HOMER2: variants seen among roughly 807,000 people sequenced by gnomAD.
HOMER2 encodes homer protein homolog 2.
Under a neutral mutation model 47.0 loss-of-function variants are expected in HOMER2, and 27 were observed. The ratio of observed to expected loss-of-function variants is 0.57; its 90% confidence interval spans 0.42 to 0.79. HOMER2 has a LOEUF of 0.79. Ranked by LOEUF, HOMER2 falls within the 30% of genes least tolerant of loss-of-function variation. The pLI is 0.00. For synonymous variants in HOMER2, 161 were observed against 163.8 expected, an observed-to-expected ratio of 0.98 and a Z score of 0.13; for missense variants, 443 against 435.0, an observed-to-expected ratio of 1.02 and a Z score of -0.16.
intron 1 of HOMER2, among the ~76,000 whole-genome samples, chr15:82,961,845 C>G (rs1458911176): frequency 6.6e-6 from 1 of 152,090 alleles, no homozygotes; most frequent in Non-Finnish European, 1.5e-5. Context: ...CTCACTGCAA[C>G]CTCTGCCTCC....
At chr15:82,893,921 A>T (rs2052813740) in intron 1 of HOMER2, among the ~76,000 whole-genome samples, 1 of 152,192 alleles carries the variant, frequency 6.6e-6, no homozygotes, top group Non-Finnish European at 1.5e-5. Context: ...ATGAGCCATT[A>T]TAGGGCATGA....
At position 82,849,464 on chromosome 15, in the gene HOMER2, A is replaced by T; in HGVS notation, c.*251T>A. On this transcript the variant is annotated 3_prime_UTR_variant, in exon 9 of 9. Coordinates refer to ENST00000450735, the MANE Select transcript of HOMER2 (RefSeq NM_004839.4). The stretch of plus-strand genomic sequence containing the variant: ...TAAACATCCCTGCCCTGACTGCATA[A>T]ATGTTGAAGGTAGACCTAGTTCTGG... 1.9e-6 allele frequency: 1 copy of T among 525,110 alleles called. No individual in the cohort carries two copies. The highest frequency in any genetic ancestry group is 3.4e-6 in the Non-Finnish European group (1 of 295,874). 32.5% of individuals were successfully genotyped at this position (525,110 alleles called of 1,614,324 possible).
intron 1 of HOMER2, among the ~76,000 whole-genome samples, chr15:82,899,017 C>T (rs553305621): frequency 1.3e-5 from 2 of 152,338 alleles, no homozygotes; most frequent in South Asian, 4.1e-4. Flanking sequence ...CACCAACCGA[C>T]AGGTCTTCCT....
chr15:82,846,471 T>C (rs2051249037), downstream of HOMER2: 1 of 152,212 alleles, frequency 6.6e-6, no homozygotes. Context: ...TATGCTCTTA[T>C]CAGGATATAA....
chr15:82,862,939 T>C (rs2092356017), intron 4 of HOMER2, among the ~76,000 whole-genome samples: 1 of 152,228 alleles, frequency 6.6e-6, no homozygotes, highest in East Asian at 1.9e-4. Context: ...ATATTGGGCA[T>C]ACTCCCTCCT....
At chr15:82,889,450 C>A (rs545046781) in intron 2 of HOMER2, among the ~76,000 whole-genome samples, 1 of 152,298 alleles carries the variant, frequency 6.6e-6, no homozygotes, top group Admixed American at 6.5e-5. Flanking sequence ...TGGAACCAAG[C>A]CGACTGAACA....
chr15:82,984,424 T>A (rs1038039894), intron 1 of HOMER2, among the ~76,000 whole-genome samples: 2 of 152,238 alleles, frequency 1.3e-5, no homozygotes, highest in African/African-American at 4.8e-5. Flanking sequence ...TACTATCCTA[T>A]ATACTTTTGC....
intron 1 of HOMER2, among the ~76,000 whole-genome samples, chr15:82,937,688 C>CA (rs977991952): frequency 1.3e-5 from 2 of 152,102 alleles, no homozygotes; most frequent in African/African-American, 4.8e-5. Flanking sequence ...ACTGGCAACT[C>CA]AGAGAAGTGA....
At chr15:82,904,140 A>C (rs995166779) in intron 1 of HOMER2, among the ~76,000 whole-genome samples, 1 of 152,168 alleles carries the variant, frequency 6.6e-6, no homozygotes, top group Admixed American at 6.5e-5. Context: ...GGCTCAAAAC[A>C]AAAAAACAAA....
chr15:82,850,423 C>G (rs1332710218), intron 8 of HOMER2, among the ~76,000 whole-genome samples: 7 of 152,234 alleles, frequency 4.6e-5, no homozygotes, highest in Admixed American at 4.6e-4. Context: ...GTCTGTGCAC[C>G]CTCTGATGCT....
At chr15:82,938,457 T>C (rs1266135369) in intron 1 of HOMER2, among the ~76,000 whole-genome samples, 1 of 152,136 alleles carries the variant, frequency 6.6e-6, no homozygotes, top group East Asian at 1.9e-4. Context: ...TACCTGCACC[T>C]TGCCTGGTCT....
At chr15:82,903,169 C>G (rs535555902) in intron 1 of HOMER2, among the ~76,000 whole-genome samples, 82 of 152,290 alleles carry the variant, frequency 5.4e-4, no homozygotes, top group Non-Finnish European at 1.0e-3. Flanking sequence ...AGGCACTTCG[C>G]AATCATCCAG....
At chr15:82,943,406 C>T (rs763416829) in intron 1 of HOMER2, among the ~76,000 whole-genome samples, 3 of 152,184 alleles carry the variant, frequency 2.0e-5, no homozygotes, top group Admixed American at 6.5e-5. Flanking sequence ...TTAGAGAGCT[C>T]TTCCTCATAC....
chr15:82,903,979 A>C (rs2053211524), intron 1 of HOMER2, among the ~76,000 whole-genome samples: 1 of 152,174 alleles, frequency 6.6e-6, no homozygotes, highest in Admixed American at 6.5e-5. Flanking sequence ...TCTACTAAAA[A>C]TACAAAAATT....
intron 1 of HOMER2, among the ~76,000 whole-genome samples, chr15:82,927,429 C>A (rs910974045): frequency 6.6e-6 from 1 of 152,136 alleles, no homozygotes; most frequent in Non-Finnish European, 1.5e-5. Context: ...TAATTACTCA[C>A]CTCTTACCTA....
chr15:82,891,705 C>A (rs79233060), intron 2 of HOMER2, among the ~76,000 whole-genome samples: 1,648 of 152,280 alleles, frequency 0.011, 8 homozygotes, highest in Non-Finnish European at 0.016. Flanking sequence ...GAGGCAGCTA[C>A]TGCAGGAGTC....
chr15:82,909,830 C>G (rs1322384454), intron 1 of HOMER2, among the ~76,000 whole-genome samples: 1 of 152,050 alleles, frequency 6.6e-6, no homozygotes, highest in Non-Finnish European at 1.5e-5. Flanking sequence ...AGTTACATAT[C>G]ATATTAAAAG....
intron 3 of HOMER2, among the ~76,000 whole-genome samples, chr15:82,866,351 G>A (rs2051966636): frequency 2.0e-5 from 3 of 152,222 alleles, no homozygotes; most frequent in Admixed American, 2.0e-4. Flanking sequence ...TTTACCCAAT[G>A]CCTCTACCCC....
At chr15:82,953,882 C>CA (rs1302946867), upstream of HOMER2, among the ~76,000 whole-genome samples, 2 of 151,746 alleles carry the variant, frequency 1.3e-5, no homozygotes, top group Non-Finnish European at 1.5e-5. Context: ...GACTCCGTCT[C>CA]AAAAAATAAA....
Sources: allele counts gnomAD v4.1 joint callset (sites outside exome capture counted in the v4.1 genomes callset), GRCh38; gene constraint gnomAD v4.1.1; transcripts MANE v1.5; gene names NCBI Gene and HGNC (gene_info 2026-07-23, HGNC 2026-07-21).